The following OPCML variants were observed in gnomAD, a reference collection of about 807,000 sequenced individuals.
The protein encoded by OPCML is opioid-binding protein/cell adhesion molecule.
Under a neutral mutation model 37.8 loss-of-function variants are expected in OPCML, and 13 were observed. That is an observed-to-expected ratio of 0.34 (90% confidence interval 0.22 to 0.55). The LOEUF is 0.55. OPCML is among the 20% of genes least tolerant of loss of function. The pLI is 0.91. For synonymous variants in OPCML, 176 were observed against 168.8 expected (o/e 1.04, Z -0.33); for missense variants, 341 against 435.6 (o/e 0.78, Z 1.93).
intron 3 of OPCML, among the ~76,000 whole-genome samples, chr11:132,621,557 C>T (rs540524491): frequency 1.3e-5 from 2 of 152,114 alleles, no homozygotes; most frequent in East Asian, 3.9e-4. Context: ...TGAGTACCTC[C>T]TAGATGAATC....
In OPCML at chr11:133,173,213, T is replaced by C. The variant is rs1950311652; in HGVS notation, c.62-230203A>G. 6.6e-6 allele frequency among the ~76,000 whole-genome samples: 1 copy of C among 152,238 alleles called. No homozygotes were observed. Among genetic ancestry groups the C allele is most frequent in the Admixed American group, 6.5e-5 (1 of 15,288 alleles). ...CTAAGAAAATGTCTTCCATGTTTGC[T>C]TCAAATATTAGAAATAGTCCACATA... On this transcript the variant is annotated intron_variant, in intron 1 of 7. Coordinates refer to ENST00000524381, the MANE Select transcript of OPCML (RefSeq NM_001012393.5). The surrounding 1 kb of genome is among the most constrained non-coding windows in gnomAD (Gnocchi z 7.8).
chr11:133,168,577 G>A (rs1335953762), intron 1 of OPCML, among the ~76,000 whole-genome samples: 11 of 152,178 alleles, frequency 7.2e-5, no homozygotes. Context: ...ATAAAATATG[G>A]TACAGTTTAT....
intron 1 of OPCML, among the ~76,000 whole-genome samples, chr11:133,224,164 A>G (rs1411037825): frequency 6.6e-6 from 1 of 152,174 alleles, no homozygotes; most frequent in Admixed American, 6.5e-5. Context: ...AGGAAGGAGC[A>G]CTTTGCCATT....
At position 132,700,544 on chromosome 11, in the gene OPCML, C is replaced by T. The variant is rs143255769; in HGVS notation, c.147-43225G>A. On this transcript the variant is annotated intron_variant, in intron 2 of 7. Coordinates refer to ENST00000524381, the MANE Select transcript of OPCML (RefSeq NM_001012393.5). Reference sequence around the variant, plus strand: ...CCTTTTGATTTCTTCTTTGACCCCTCGTGGTTCAGTAATGTGTTGTAAAAT... The same window carrying T: ...CCTTTTGATTTCTTCTTTGACCCCTTGTGGTTCAGTAATGTGTTGTAAAAT... Among the ~76,000 whole-genome samples the T allele has an allele frequency of 1.1e-3, 167 of 152,228 alleles. 1 individual carries two copies. The Middle Eastern group carries it at 0.017, about 16-fold the overall frequency.
At chr11:133,424,345 T>C (rs1188982150) in intron 1 of OPCML, among the ~76,000 whole-genome samples, 3 of 152,214 alleles carry the variant, frequency 2.0e-5, no homozygotes, top group Non-Finnish European at 4.4e-5. Flanking sequence ...TAAAATAGTG[T>C]TTATTTTCTG....
chr11:133,080,619 T>C (rs1187210707), intron 1 of OPCML, among the ~76,000 whole-genome samples: 1 of 151,966 alleles, frequency 6.6e-6, no homozygotes, highest in Non-Finnish European at 1.5e-5. Context: ...ATTAAACAAG[T>C]TCCTCCCTGC....
At chr11:132,758,876 G>T (rs1422270855) in intron 2 of OPCML, among the ~76,000 whole-genome samples, 2 of 152,252 alleles carry the variant, frequency 1.3e-5, no homozygotes, top group African/African-American at 2.4e-5. Flanking sequence ...CTTGTCTTGT[G>T]CCAGTTTTCA....
intron 2 of OPCML, among the ~76,000 whole-genome samples, chr11:132,788,037 T>C (rs1016796588): frequency 2.3e-4 from 35 of 152,112 alleles, no homozygotes; most frequent in Admixed American, 7.9e-4. Context: ...CACGCCACCA[T>C]GCCCAGCTAA....
At chr11:133,457,620 C>CAT (rs1371460753) in intron 1 of OPCML, among the ~76,000 whole-genome samples, 28 of 150,538 alleles carry the variant, frequency 1.9e-4, no homozygotes, top group African/African-American at 5.1e-4. Flanking sequence ...TTTAAGACAC[C>CAT]ATATATATAT....
At chr11:132,709,348 C>T (rs1043761349) in intron 2 of OPCML, among the ~76,000 whole-genome samples, 2 of 152,196 alleles carry the variant, frequency 1.3e-5, no homozygotes, top group African/African-American at 2.4e-5. Context: ...ATAGCTTTCA[C>T]TTAACATCTT....
chr11:132,832,947 G>A (rs557233408), intron 2 of OPCML, among the ~76,000 whole-genome samples: 1 of 152,262 alleles, frequency 6.6e-6, no homozygotes, highest in Middle Eastern at 3.4e-3. Context: ...TAATACACCT[G>A]TATAGAACAT....
intron 1 of OPCML, among the ~76,000 whole-genome samples, chr11:133,106,485 G>A (rs558913781): frequency 1.2e-4 from 18 of 152,280 alleles, no homozygotes; most frequent in Non-Finnish European, 1.8e-4. Context: ...TATGCACATC[G>A]CATCCTTGTT....
intron 4 of OPCML, among the ~76,000 whole-genome samples, chr11:132,500,287 C>T (rs2096242774): frequency 6.6e-6 from 1 of 152,056 alleles, no homozygotes; most frequent in Non-Finnish European, 1.5e-5. Flanking sequence ...TAATATAATC[C>T]TCATCCAATT....
rs566778648 is a variant in OPCML at position 133,407,553 on chromosome 11, G to A, written c.61+124711C>T. ...TCCACATCCACTCCACTACCATCAA[G>A]CAGAAGAATTCACAGCTGGTGAGCT... On this transcript the variant is annotated intron_variant, in intron 1 of 7. Coordinates refer to ENST00000524381, the MANE Select transcript of OPCML (RefSeq NM_001012393.5). Among the ~76,000 whole-genome samples, 15 of 152,164 alleles carry A rather than the reference G, an allele frequency of 9.9e-5. No individual in the cohort carries two copies. In the East Asian group the frequency reaches 1.8e-3, roughly 18 times the overall value.
intron 2 of OPCML, among the ~76,000 whole-genome samples, chr11:132,937,595 GGTGTGT>G (rs58674976): frequency 0.072 from 6,355 of 88,656 alleles, 191 homozygotes; most frequent in East Asian, 0.12. Context: ...GCGTGTGTGG[GGTGTGT>G]GTGTGTGTGT....
intron 2 of OPCML, among the ~76,000 whole-genome samples, chr11:132,688,035 T>C (rs765143454): frequency 1.3e-5 from 2 of 152,172 alleles, no homozygotes; most frequent in Non-Finnish European, 2.9e-5. Flanking sequence ...GCTGCTTCTA[T>C]CCGGGAAATG....
chr11:132,753,795 T>G (rs1447169926), intron 2 of OPCML, among the ~76,000 whole-genome samples: 1 of 152,120 alleles, frequency 6.6e-6, no homozygotes, highest in Non-Finnish European at 1.5e-5. Context: ...CCATCAAGAT[T>G]ATTTCCACTG....
At chr11:133,168,523 A>G (rs10894655) in intron 1 of OPCML, among the ~76,000 whole-genome samples, 66,658 of 152,006 alleles carry the variant, frequency 0.44, 15,056 homozygotes, top group South Asian at 0.54. Flanking sequence ...GAAAAATTAC[A>G]GAGTTGAGCT....
chr11:133,055,606 AAT>A (rs1948220816), intron 1 of OPCML, among the ~76,000 whole-genome samples: 1 of 149,586 alleles, frequency 6.7e-6, no homozygotes, highest in African/African-American at 2.5e-5. Flanking sequence ...TCTACCGTAC[AAT>A]GCTGCCTCCA....
Sources: gnomAD v4.1 joint callset for allele counts (sites outside exome capture counted in the v4.1 genomes callset) on GRCh38, gnomAD v4.1.1 for gene constraint, Gnocchi (gnomAD v3.1) non-coding constraint, MANE v1.5 for transcripts, NCBI Gene and HGNC (gene_info 2026-07-23, HGNC 2026-07-21) for gene names.